The following MAPK9 variants were observed in gnomAD, a reference collection of about 807,000 sequenced individuals.
The protein encoded by MAPK9 is mitogen-activated protein kinase 9, also known as Jun kinase.
Under a neutral mutation model 57.1 loss-of-function variants are expected in MAPK9, and 30 were observed. The ratio of observed to expected loss-of-function variants is 0.53; its 90% CI spans 0.39 to 0.71. MAPK9 has a LOEUF of 0.71. MAPK9 is among the 30% of genes least tolerant of loss of function. The pLI, the probability that MAPK9 is intolerant of heterozygous loss-of-function variation, is 0.00. For synonymous variants in MAPK9, 155 were observed against 177.0 expected, an observed-to-expected ratio of 0.88 and a Z score of 0.99; for missense variants, 362 against 521.0, an observed-to-expected ratio of 0.69 and a Z score of 2.97.
rs1328209016 is a variant in MAPK9 at position 180,247,899 on chromosome 5, A to T, written c.617-389T>A. The stretch of plus-strand genomic sequence containing the variant: ...GACTTTATGGAGGACCATTTCTGCC[A>T]TGATGCACCCGACAGACCAGATGTC... On this transcript the variant is annotated intron_variant, in intron 6 of 11. Transcript: ENST00000452135. This position sits in a 1 kb window ranked among gnomAD's most constrained non-coding sequence, Gnocchi z 4.5. The T allele has an allele frequency of 6.2e-7, 1 of 1,614,052 alleles. No individual in the cohort carries two copies. The highest frequency in any genetic ancestry group is 8.5e-7 in the Non-Finnish European group (1 of 1,180,028).
chr5:180,238,458 T>A, intron 10 of MAPK9, 55 bp from the exon 11 acceptor site: 5 of 1,252,862 alleles, frequency 4.0e-6, no homozygotes, highest in Non-Finnish European at 5.8e-6. Context: ...AGTTTCACTG[T>A]ATCTCTAAAC....
rs547917857 is a variant in MAPK9 at position 180,247,732 on chromosome 5, AAAAC to A, written c.617-226_617-223del. Reference sequence around the variant, plus strand: ...CAAAGAGTCCAATACTTTATAGCTTAAAACAAACAAACAAACAAACAAAAAACCA... The same window carrying A: ...CAAAGAGTCCAATACTTTATAGCTTAAAACAAACAAACAAACAAAAAACCA... On this transcript the variant is annotated intron_variant, in intron 6 of 11. Coordinates refer to ENST00000452135, the MANE Select transcript of MAPK9 (RefSeq NM_002752.5). The surrounding 1 kb of genome is among the most constrained non-coding windows in gnomAD (Gnocchi z 4.5). The A allele has an allele frequency of 2.1e-4, 242 of 1,146,986 alleles. 1 individual carries two copies. Among genetic ancestry groups the A allele is most frequent in the Non-Finnish European group, 1.9e-4 (150 of 776,984 alleles). The allele number at this position is 1,146,986 out of a possible 1,614,324, so 71.1% of individuals were successfully genotyped here. A position where few individuals can be genotyped will look rare whatever the true frequency, so the allele number is the denominator to read the frequency against.
intron 11 of MAPK9, chr5:180,238,070 G>C (rs1361423380): frequency 3.9e-6 from 1 of 254,188 alleles, no homozygotes; most frequent in African/African-American, 2.3e-5. Flanking sequence ...AGGAGATCGA[G>C]ACCAGCTTGG....
intron 2 of MAPK9, among the ~76,000 whole-genome samples, chr5:180,276,747 G>A (rs866776606): frequency 2.0e-5 from 3 of 152,268 alleles, no homozygotes; most frequent in South Asian, 4.1e-4. Context: ...CCAGCTACTC[G>A]GGAGGCTGAG....
chr5:180,236,509 T>G lies in MAPK9; in HGVS notation c.1150A>C (p.Asn384His). Residue 384 changes from asparagine to histidine, a missense_variant, in exon 12 of 12, where the codon AAC (asparagine) becomes CAC (histidine). By Grantham distance (68) the Asn-to-His change is moderately conservative. Transcript: ENST00000452135. Reference sequence around the variant, plus strand: ...GATGAAGACTGAGAAGGAGTGGCGTTGCTACTTACTGCTGCATCTGTGCTA... The same window carrying G: ...GATGAAGACTGAGAAGGAGTGGCGTGGCTACTTACTGCTGCATCTGTGCTA... ...DQPSDAAVSS[N>H]ATPSQSSSIN... is the part of the protein sequence containing the mutation. The G allele has an allele frequency of 6.2e-7, 1 of 1,613,948 alleles. No individual in the cohort carries two copies. The highest frequency in any genetic ancestry group is 8.5e-7 in the Non-Finnish European group (1 of 1,179,864).
At position 180,233,432 on chromosome 5, in the gene MAPK9, G is replaced by T. The variant is rs1430988966; in HGVS notation, c.*2952C>A. 2.0e-5 allele frequency: 3 copies of T among 152,182 alleles called. No individual in the cohort carries two copies. Among genetic ancestry groups the T allele is most frequent in the Admixed American group, 2.0e-4 (3 of 15,282 alleles). 9.4% of individuals were successfully genotyped at this position (152,182 alleles called of 1,614,324 possible). A position where few individuals can be genotyped will look rare whatever the true frequency, so the allele number is the denominator to read the frequency against. ...AATATTTTCAATAAGAGAACAAACA[G>T]CAATGTTTCTGCCTCTCAGTGTGAA... On this transcript the variant is annotated 3_prime_UTR_variant, in exon 12 of 12. Transcript: ENST00000452135.
intron 11 of MAPK9, 22 bp from the exon 12 acceptor site, chr5:180,236,548 T>C (rs748345878): frequency 6.2e-7 from 1 of 1,603,674 alleles, no homozygotes; most frequent in Non-Finnish European, 8.5e-7. Context: ...AAACCAAATA[T>C]AATAAAATCT....
chr5:180,280,555 C>G lies in MAPK9; in HGVS notation c.7G>C (p.Asp3His). Residue 3 changes from aspartate (D) to histidine (H), a missense_variant, in exon 2 of 12, where the codon GAC becomes CAC. Physicochemically the swap from Asp to His is moderately conservative, Grantham distance 81 (BLOSUM62 -1). Transcript: ENST00000452135. MS[D>H]SKCDSQFYSV... Reference sequence around the variant, plus strand: ...TAAAACTGACTGTCACATTTACTGTCGCTCATGATGCAGCGTCCTGCAATA... The same window carrying G: ...TAAAACTGACTGTCACATTTACTGTGGCTCATGATGCAGCGTCCTGCAATA... 1.2e-6 allele frequency: 2 copies of G among 1,613,794 alleles called. No homozygotes were observed. The highest frequency in any genetic ancestry group is 1.7e-6 in the Non-Finnish European group (2 of 1,179,894).
At chr5:180,263,445 G>A (rs768071669) in intron 4 of MAPK9, among the ~76,000 whole-genome samples, 6 of 152,160 alleles carry the variant, frequency 3.9e-5, no homozygotes, top group South Asian at 2.1e-4. Flanking sequence ...CCAGAGTTAC[G>A]CTTTTCAAAC....
At chr5:180,244,819 C>T (rs1305040178) in intron 7 of MAPK9, among the ~76,000 whole-genome samples, 1 of 151,278 alleles carries the variant, frequency 6.6e-6, no homozygotes, top group African/African-American at 2.4e-5. Context: ...GAGCTGTCTA[C>T]ACTTGTGTCT....
intron 5 of MAPK9, chr5:180,257,759 G>A (rs1321403191): frequency 6.1e-6 from 1 of 165,086 alleles, no homozygotes; most frequent in Admixed American, 6.1e-5. Flanking sequence ...ATGGGAGAAA[G>A]ACTCTGTGAA....
intron 1 of MAPK9, among the ~76,000 whole-genome samples, chr5:180,285,556 T>C (rs1762661321): frequency 6.6e-6 from 1 of 152,190 alleles, no homozygotes; most frequent in Admixed American, 6.5e-5. Context: ...CAACTAACTA[T>C]TGTGATTAAA....
intron 2 of MAPK9, among the ~76,000 whole-genome samples, chr5:180,277,219 A>C (rs1334138763): frequency 6.6e-6 from 1 of 152,258 alleles, no homozygotes; most frequent in Non-Finnish European, 1.5e-5. Flanking sequence ...TTACTGCTTT[A>C]AAGCCACACA....
In MAPK9 at chr5:180,233,377, T is replaced by C. The variant is rs1756973812; in HGVS notation, c.*3007A>G. 6.6e-6 allele frequency: 1 copy of C among 152,206 alleles called. No homozygotes were observed. Among genetic ancestry groups the C allele is most frequent in the Non-Finnish European group, 1.5e-5 (1 of 68,036 alleles). The allele number at this position is 152,206 out of a possible 1,614,324, so 9.4% of individuals were successfully genotyped here. On this transcript the variant is annotated 3_prime_UTR_variant, in exon 12 of 12. Transcript: ENST00000452135. ...TGAAGTCAAAACTTACTGCCATTAGTTTTGAAAACACAGATTTAGGAATTT... is the reference window on the plus strand; with the variant it reads ...TGAAGTCAAAACTTACTGCCATTAGCTTTGAAAACACAGATTTAGGAATTT...
intron 2 of MAPK9, among the ~76,000 whole-genome samples, chr5:180,278,654 G>A (rs771353351): frequency 2.6e-5 from 4 of 152,068 alleles, no homozygotes; most frequent in Admixed American, 6.5e-5. Context: ...AGCTGAGATC[G>A]CGCCACTGCA....
At chr5:180,274,237 T>C (rs1276359217) in intron 2 of MAPK9, among the ~76,000 whole-genome samples, 1 of 152,260 alleles carries the variant, frequency 6.6e-6, no homozygotes, top group Non-Finnish European at 1.5e-5. Flanking sequence ...TCATTTTCTA[T>C]ATGCTGCTAG....
At chr5:180,256,219 T>C (rs1759262094) in intron 5 of MAPK9, among the ~76,000 whole-genome samples, 2 of 152,222 alleles carry the variant, frequency 1.3e-5, no homozygotes, top group South Asian at 4.1e-4. Flanking sequence ...TGGGATATCA[T>C]GGGCAAAACT....
At chr5:180,259,189 C>A (rs1173174767) in intron 5 of MAPK9, among the ~76,000 whole-genome samples, 1 of 152,214 alleles carries the variant, frequency 6.6e-6, no homozygotes, top group Non-Finnish European at 1.5e-5. Flanking sequence ...AGAACTCACA[C>A]TGGAGAGGCA....
chr5:180,247,732 AAAACAAACAAAC>A lies in MAPK9; in HGVS notation c.617-234_617-223del, dbSNP rs547917857. The A allele has an allele frequency of 8.7e-7, 1 of 1,147,242 alleles. No individual in the cohort carries two copies. Among genetic ancestry groups the A allele is most frequent in the South Asian group, 1.3e-5 (1 of 76,924 alleles). The allele number at this position is 1,147,242 out of a possible 1,614,324, so 71.1% of individuals were successfully genotyped here. A position where few individuals can be genotyped will look rare whatever the true frequency, so the allele number is the denominator to read the frequency against. ...CAAAGAGTCCAATACTTTATAGCTT[AAAACAAACAAAC>A]AAACAAACAAAAAACCAGAAACAAG... On this transcript the variant is annotated intron_variant, in intron 6 of 11. Coordinates refer to ENST00000452135, the MANE Select transcript of MAPK9 (RefSeq NM_002752.5). This position sits in a 1 kb window ranked among gnomAD's most constrained non-coding sequence, Gnocchi z 4.5.
Sources: allele counts gnomAD v4.1 joint callset (sites outside exome capture counted in the v4.1 genomes callset), GRCh38; gene constraint gnomAD v4.1.1; non-coding constraint Gnocchi (gnomAD v3.1); transcripts MANE v1.5; gene names NCBI Gene and HGNC (gene_info 2026-07-23, HGNC 2026-07-21).